Variants in DST observed in about 807,000 individuals in gnomAD.
DST encodes dystonin.
A neutral mutation model predicts 875.2 loss-of-function variants in DST; 253 were observed. The observed-to-expected ratio is 0.29, with a 90% confidence interval of 0.26 to 0.32. The LOEUF (loss-of-function observed/expected upper bound fraction) is 0.32, where lower values mean the gene tolerates loss of function less well. DST is among the 10% of genes least tolerant of loss of function. DST has a pLI of 1.00. For missense variants in DST, 8,287 were observed against 9,111.6 expected (o/e 0.91, Z 3.68); for synonymous variants, 3,124 against 3,197.1 (o/e 0.98, Z 0.77).
intron 48 of DST, among the ~76,000 whole-genome samples, chr6:56,593,234 G>T (rs867543555): frequency 1.9e-4 from 29 of 152,188 alleles, no homozygotes; most frequent in Admixed American, 3.9e-4. Context: ...ATAGAGAGAA[G>T]GCTGGGCACT....
Position 56,736,154 on chromosome 6 carries a change from T to C in DST, c.626-865A>G, listed in dbSNP as rs561654167. 2.0e-5 allele frequency among the ~76,000 whole-genome samples: 3 copies of C among 152,302 alleles called. No homozygotes were observed. The East Asian group carries it at 5.8e-4, about 29-fold the overall frequency. ...ATCCACCCACCTTGGCTTTCCAAAG[T>C]GCTGGGATTACAGACGTGAGCCACC... On this transcript the variant is annotated intron_variant, in intron 4 of 103. Coordinates refer to ENST00000680361, the MANE Select transcript of DST (RefSeq NM_001374736.1).
chr6:56,489,733 C>T (rs2095673880), intron 85 of DST, 124 bp from the exon 86 acceptor site: 2 of 943,642 alleles, frequency 2.1e-6, no homozygotes, highest in Non-Finnish European at 2.9e-6. Context: ...TCAAAATTTC[C>T]ACTGAAGAAG....
At chr6:56,616,438 A>G in intron 36 of DST, 1 of 1,614,130 alleles carries the variant, frequency 6.2e-7, no homozygotes, top group Non-Finnish European at 8.5e-7. Flanking sequence ...CTGTTTTAGT[A>G]TCTACTACAG....
At chr6:56,705,964 A>G (rs1588948542) in intron 5 of DST, among the ~76,000 whole-genome samples, 2 of 152,218 alleles carry the variant, frequency 1.3e-5, no homozygotes, top group Admixed American at 6.5e-5. Flanking sequence ...AAAATACTTT[A>G]TTTAGCCCCA....
chr6:56,698,234 G>A (rs2099274461), intron 9 of DST, among the ~76,000 whole-genome samples: 1 of 151,564 alleles, frequency 6.6e-6, no homozygotes, highest in African/African-American at 2.4e-5. Context: ...CTCCATACCT[G>A]TCAAATCTAT....
intron 75 of DST, among the ~76,000 whole-genome samples, 181 bp from the exon 76 acceptor site, chr6:56,506,970 C>T (rs2152469023): frequency 6.6e-6 from 1 of 152,180 alleles, no homozygotes; most frequent in East Asian, 1.9e-4. Context: ...AAACAGCACC[C>T]TTTTAGTAAC....
At chr6:56,630,619 C>G (rs2098770420) in intron 30 of DST, among the ~76,000 whole-genome samples, 1 of 152,092 alleles carries the variant, frequency 6.6e-6, no homozygotes, top group African/African-American at 2.4e-5. Context: ...AAGATGGTTT[C>G]TTTCTAACTT....
In DST at chr6:56,606,394, T is replaced by C. The variant is rs187333640; in HGVS notation, c.8234A>G (p.Asp2745Gly). The C allele has an allele frequency of 1.1e-5, 17 of 1,613,392 alleles. No homozygotes were observed. The East Asian group carries it at 3.6e-4, about 34-fold the overall frequency. ...GDESDSLTDYDIVGGKESFTA... is the reference protein window; with the variant it reads ...GDESDSLTDYGIVGGKESFTA... Reference sequence around the variant, plus strand: ...GAAGCTCTCTTTTCCTCCTACAATATCATAATCAGTCAATGAGTCAGATTC... The same window carrying C: ...GAAGCTCTCTTTTCCTCCTACAATACCATAATCAGTCAATGAGTCAGATTC... The change falls in exon 40 of 104, where the codon GAT becomes GGT. Residue 2745 changes from aspartate to glycine, a missense_variant. Physicochemically the swap from Asp to Gly is moderately conservative, Grantham distance 94. Transcript: ENST00000680361.
At chr6:56,904,771 T>G (rs897741269) in intron 2 of DST, among the ~76,000 whole-genome samples, 1 of 152,134 alleles carries the variant, frequency 6.6e-6, no homozygotes, top group Non-Finnish European at 1.5e-5. Flanking sequence ...GTGCTATAAG[T>G]TCTTCCAGGT....
chr6:56,605,762 G>T lies in DST; in HGVS notation c.8866C>A (p.Leu2956Ile), dbSNP rs573971008. ...ATCAACTTAACCTTTGTGTTTGCTA[G>T]ATCAGTACCTAATTCAGAAGTTGAA... ...ISSTSELGTDLANTKVKLIQG... is the reference protein window; with the variant it reads ...ISSTSELGTDIANTKVKLIQG... The change falls in exon 40 of 104, where the codon CTA becomes ATA. Residue 2956 changes from leucine (L) to isoleucine (I), a missense_variant. Around this residue, in one of 10 missense-constraint regions of DST, gnomAD observed 3,138 missense variants for 3,116.6 expected, o/e 1.01. Coordinates refer to ENST00000680361, the MANE Select transcript of DST (RefSeq NM_001374736.1). 1 of 1,612,684 alleles carries T rather than the reference G, an allele frequency of 6.2e-7. No homozygotes were observed. Among genetic ancestry groups the T allele is most frequent in the East Asian group, 2.2e-5 (1 of 44,820 alleles).
chr6:56,706,017 A>G (rs1379116507), intron 5 of DST, among the ~76,000 whole-genome samples: 1 of 152,186 alleles, frequency 6.6e-6, no homozygotes, highest in Non-Finnish European at 1.5e-5. Context: ...GTTTAGAAAA[A>G]CCTGTAAATA....
At chr6:56,897,306 G>T (rs374338079) in intron 3 of DST, among the ~76,000 whole-genome samples, 4,864 of 95,490 alleles carry the variant, frequency 0.051, 129 homozygotes, top group Middle Eastern at 0.18. Flanking sequence ...GTTTTTTTTT[G>T]GGGGGGGGGT....
intron 3 of DST, chr6:56,863,142 A>C (rs552590173): frequency 3.8e-4 from 58 of 152,354 alleles, no homozygotes; most frequent in African/African-American, 1.3e-3. Context: ...GCTGATCAGC[A>C]TCATGCAAGG....
rs12663437 is a variant in DST at position 56,505,209 on chromosome 6, T to G, written c.19465-1111A>C. On this transcript the variant is annotated intron_variant, in intron 77 of 103. Transcript: ENST00000680361. The stretch of plus-strand genomic sequence containing the variant: ...ACTGTAGCTACTTAATAAATCAATC[T>G]GCCCTTTGCTAGCACAGGTGATGCT... 5.6e-3 allele frequency among the ~76,000 whole-genome samples: 847 copies of G among 152,284 alleles called. 31 individuals carry two copies. The East Asian group carries it at 0.11, about 20-fold the overall frequency.
intron 4 of DST, among the ~76,000 whole-genome samples, chr6:56,782,545 T>C (rs192972528): frequency 0.018 from 2,714 of 152,340 alleles, 25 homozygotes; most frequent in Non-Finnish European, 0.029. Flanking sequence ...TGGTAGTTTG[T>C]ATTTCTGTGG....
intron 22 of DST, among the ~76,000 whole-genome samples, chr6:56,637,935 G>A (rs975958312): frequency 6.6e-6 from 1 of 151,882 alleles, no homozygotes; most frequent in East Asian, 1.9e-4. Flanking sequence ...CTCAAATTAA[G>A]CTACTTTCAG....
chr6:56,724,150 G>T (rs1035918896), intron 5 of DST, among the ~76,000 whole-genome samples: 3 of 152,142 alleles, frequency 2.0e-5, no homozygotes, highest in African/African-American at 7.2e-5. Flanking sequence ...CCTTAAGTGT[G>T]TTTCTTAAGT....
chr6:56,529,545 A>G lies in DST; in HGVS notation c.17498T>C (p.Leu5833Pro), dbSNP rs369441196. Reference sequence around the variant, plus strand: ...ATGCACTTCATTCAGCCAGTTCATCAGTTCAACTTCATCTTCCCCAAAAAT... The same window carrying G: ...ATGCACTTCATTCAGCCAGTTCATCGGTTCAACTTCATCTTCCCCAAAAAT... ...AKIFGEDEVE[L>P]MNWLNEVHDK... Residue 5833 changes from leucine to proline, a missense_variant, in exon 66 of 104, where the codon CTG (leucine) becomes CCG (proline). By Grantham distance (98) the Leu-to-Pro change is moderately conservative. This residue lies in a region of DST where 777 missense variants were observed against 764.8 expected (regional missense o/e 1.02). Coordinates refer to ENST00000680361, the MANE Select transcript of DST (RefSeq NM_001374736.1). 3.1e-6 allele frequency: 5 copies of G among 1,613,604 alleles called. No individual in the cohort carries two copies. The highest frequency in any genetic ancestry group is 4.2e-6 in the Non-Finnish European group (5 of 1,179,732).
At chr6:56,590,065 C>A (rs2098242716) in intron 49 of DST, among the ~76,000 whole-genome samples, 2 of 152,174 alleles carry the variant, frequency 1.3e-5, no homozygotes, top group South Asian at 2.1e-4. Context: ...ATTCTGAAAT[C>A]TTCTGAGAGA....
Sources: gnomAD v4.1 joint callset for allele counts (sites outside exome capture counted in the v4.1 genomes callset) on GRCh38, gnomAD v4.1.1 for gene constraint, gnomAD v4.1.1 regional missense constraint, MANE v1.5 for transcripts, NCBI Gene and HGNC (gene_info 2026-07-23, HGNC 2026-07-21) for gene names.